RNF19A: variants seen among roughly 807,000 people sequenced by gnomAD.
The protein encoded by RNF19A is ring finger protein 19A, RBR E3 ubiquitin protein ligase.
Under a neutral mutation model 75.7 loss-of-function variants are expected in RNF19A, and 32 were observed. That is an observed-to-expected ratio of 0.42 (90% CI 0.32 to 0.57). The LOEUF (loss-of-function observed/expected upper bound fraction) is 0.57, where lower values mean the gene tolerates loss of function less well. Ranked by LOEUF, RNF19A falls within the 20% of genes least tolerant of loss-of-function variation. The pLI, the probability that RNF19A is intolerant of heterozygous loss-of-function variation, is 0.10. For missense variants in RNF19A, 782 were observed against 1,036.3 expected, an observed-to-expected ratio of 0.75 and a Z score of 3.37; for synonymous variants, 335 against 345.2, an observed-to-expected ratio of 0.97 and a Z score of 0.33.
At chr8:100,299,666 GA>G (rs1821731190) in intron 1 of RNF19A, among the ~76,000 whole-genome samples, 1 of 152,104 alleles carries the variant, frequency 6.6e-6, no homozygotes, top group Non-Finnish European at 1.5e-5. Flanking sequence ...AGCTGAGGCA[GA>G]AGAATTGCTT....
upstream of RNF19A, among the ~76,000 whole-genome samples, chr8:100,312,742 G>C (rs776563495): frequency 6.6e-6 from 1 of 151,926 alleles, no homozygotes; most frequent in Non-Finnish European, 1.5e-5. Context: ...GGGACAACAT[G>C]ATGAAACCTC....
Position 100,297,426 on chromosome 8 carries a change from C to T in RNF19A, c.-93-9159G>A, listed in dbSNP as rs73282743. ...ATTGTGGCAGAGATGCTGTTACATG[C>T]TCATCTGCTTCATTTTCCTTCTGAG... On this transcript the variant is annotated intron_variant, in intron 1 of 9. Coordinates refer to ENST00000341084, the MANE Select transcript of RNF19A (RefSeq NM_183419.4). 5.2e-3 allele frequency among the ~76,000 whole-genome samples: 785 copies of T among 152,300 alleles called. 10 individuals are homozygous for T. The highest frequency in any genetic ancestry group is 0.018 in the African/African-American group (768 of 41,576).
chr8:100,314,088 C>T (rs560865231), upstream of RNF19A, among the ~76,000 whole-genome samples: 3 of 151,808 alleles, frequency 2.0e-5, no homozygotes, highest in Non-Finnish European at 2.9e-5. This position sits in a 1 kb window ranked among gnomAD's most constrained non-coding sequence, Gnocchi z 4.1. Context: ...TGCCATGTCG[C>T]TCAGGTGGGT....
chr8:100,301,887 G>T (rs1428707759), intron 1 of RNF19A, among the ~76,000 whole-genome samples: 2 of 152,162 alleles, frequency 1.3e-5, no homozygotes, highest in African/African-American at 4.8e-5. Flanking sequence ...GTGGCATTTA[G>T]CAGAGACCTG....
chr8:100,309,925 G>A lies in RNF19A; in HGVS notation c.-152C>T. ...GGCGGGCGAGTAGGCCCATCTCCCA[G>A]CAGCGGCGACAGCAGCCTGAGGAAG... is the stretch of plus-strand genomic sequence containing the variant. On this transcript the variant is annotated 5_prime_UTR_variant, in exon 1 of 10. Coordinates refer to ENST00000341084, the MANE Select transcript of RNF19A (RefSeq NM_183419.4). 2.0e-6 allele frequency: 2 copies of A among 985,970 alleles called. No homozygotes were observed. The highest frequency in any genetic ancestry group is 2.4e-6 in the Non-Finnish European group (2 of 830,374). 61.1% of individuals were successfully genotyped at this position (985,970 alleles called of 1,614,324 possible).
intron 1 of RNF19A, among the ~76,000 whole-genome samples, chr8:100,307,971 G>C (rs1191503983): frequency 6.6e-6 from 1 of 152,110 alleles, no homozygotes; most frequent in Non-Finnish European, 1.5e-5. Flanking sequence ...AACACTGTCT[G>C]GTTGACAGTA....
At chr8:100,279,300 T>C (rs546137834) in intron 2 of RNF19A, among the ~76,000 whole-genome samples, 2 of 152,336 alleles carry the variant, frequency 1.3e-5, no homozygotes, top group South Asian at 2.1e-4. Flanking sequence ...AACTAATAGC[T>C]GGTAGTGTAG....
At chr8:100,268,675 C>T (rs1004026101) in intron 5 of RNF19A, 110 bp downstream of exon 5, 5 of 582,202 alleles carry the variant, frequency 8.6e-6, no homozygotes, top group African/African-American at 2.5e-5. Context: ...CTAAAGATAC[C>T]CTTTGTCTAA....
Position 100,275,882 on chromosome 8 carries a change from G to T in RNF19A, c.675-721C>A, listed in dbSNP as rs1295172247. The stretch of plus-strand genomic sequence containing the variant: ...AATTTATAAATTTTGTGATAATTTT[G>T]TATGTATGCAGAAGTCACACATTTT... On this transcript the variant is annotated intron_variant, in intron 2 of 9. Transcript: ENST00000341084. The surrounding 1 kb of genome is among the most constrained non-coding windows in gnomAD (Gnocchi z 4.3). Among the ~76,000 whole-genome samples the T allele has an allele frequency of 6.6e-6, 1 of 152,158 alleles. No individual in the cohort carries two copies. The highest frequency in any genetic ancestry group is 3.4e-3 in the Middle Eastern group (1 of 294).
rs559185393 is a variant in RNF19A at position 100,323,641 on chromosome 8, A to G, written c.-242-10269T>C. 6.6e-6 allele frequency among the ~76,000 whole-genome samples: 1 copy of G among 152,360 alleles called. No individual in the cohort carries two copies. The highest frequency in any genetic ancestry group is 6.5e-5 in the Admixed American group (1 of 15,298). On this transcript the variant is annotated intron_variant, in intron 1 of 3. Coordinates refer to the RNF19A transcript ENST00000519527. This position sits in a 1 kb window ranked among gnomAD's most constrained non-coding sequence, Gnocchi z 4.6. ...CCCATTAGAAATGTGTTAGAGGAAG[A>G]CATATTTAAATAGTAATTTCCTAGC...
intron 5 of RNF19A, among the ~76,000 whole-genome samples, chr8:100,265,728 T>C (rs1021507897): frequency 1.3e-5 from 2 of 152,128 alleles, no homozygotes; most frequent in Non-Finnish European, 2.9e-5. Flanking sequence ...GTACGATGAG[T>C]GTTGTGGAAA....
intron 2 of RNF19A, among the ~76,000 whole-genome samples, chr8:100,280,555 CTG>C (rs1820735352): frequency 6.6e-6 from 1 of 152,180 alleles, no homozygotes; most frequent in South Asian, 2.1e-4. Context: ...TCAAGTCTTA[CTG>C]AATTTATACA....
intron 1 of RNF19A, among the ~76,000 whole-genome samples, chr8:100,297,026 A>G (rs1465891231): frequency 4.6e-5 from 7 of 152,240 alleles, no homozygotes; most frequent in Admixed American, 4.6e-4. Flanking sequence ...GTATATTCAA[A>G]AGACAGGTGA....
intron 3 of RNF19A, among the ~76,000 whole-genome samples, chr8:100,270,549 A>G (rs1251918020): frequency 6.6e-6 from 1 of 152,156 alleles, no homozygotes; most frequent in African/African-American, 2.4e-5. Context: ...CTATAAAAAT[A>G]GCAAAACAGG....
Position 100,257,827 on chromosome 8 carries a change from G to A in RNF19A, c.*729C>T. The A allele has an allele frequency of 2.6e-6, 1 of 391,390 alleles. No homozygotes were observed. Among genetic ancestry groups the A allele is most frequent in the Non-Finnish European group, 4.5e-6 (1 of 221,790 alleles). The allele number at this position is 391,390 out of a possible 1,614,324, so 24.2% of individuals were successfully genotyped here. A position where few individuals can be genotyped will look rare whatever the true frequency, so the allele number is the denominator to read the frequency against. ...TTTTTGTAATACTTATAACCTAATG[G>A]GACTTTATTTTGTAGTTTTATGTAT... On this transcript the variant is annotated 3_prime_UTR_variant, in exon 10 of 10. Coordinates refer to ENST00000341084, the MANE Select transcript of RNF19A (RefSeq NM_183419.4).
chr8:100,293,789 T>A (rs1041979632), intron 1 of RNF19A, among the ~76,000 whole-genome samples: 1 of 152,228 alleles, frequency 6.6e-6, no homozygotes, highest in African/African-American at 2.4e-5. Flanking sequence ...TTCTTTTTTG[T>A]AATCTTTTTT....
chr8:100,282,335 C>T (rs1163653165), intron 2 of RNF19A, among the ~76,000 whole-genome samples: 2 of 152,048 alleles, frequency 1.3e-5, no homozygotes, highest in Non-Finnish European at 1.5e-5. Context: ...AATTCAAAAT[C>T]TGAAATGCTT....
In RNF19A at chr8:100,261,583, C is replaced by T. The variant is rs759075285; in HGVS notation, c.1641G>A (p.Thr547=). 4.3e-6 allele frequency: 7 copies of T among 1,613,942 alleles called. No homozygotes were observed. The highest frequency in any genetic ancestry group is 2.7e-5 in the African/African-American group (2 of 74,890). Residue 547 remains threonine, a synonymous_variant, in exon 8 of 10, where the codon ACG becomes ACA. Coordinates refer to ENST00000341084, the MANE Select transcript of RNF19A (RefSeq NM_183419.4). The surrounding 1 kb of genome is among the most constrained non-coding windows in gnomAD (Gnocchi z 4.4). ...STMALAGASI[T]GSLSGSAMVN... ...CCATGGCACTTCCTGACAGACTCCC[C>T]GTTATACTGGCTCCAGCTAGTGCCA...
intron 1 of RNF19A, among the ~76,000 whole-genome samples, chr8:100,305,327 T>C (rs1188548187): frequency 6.6e-6 from 1 of 152,162 alleles, no homozygotes; most frequent in Non-Finnish European, 1.5e-5. Context: ...TTCGAAGGTG[T>C]ATGCAATTCT....
Sources: gnomAD v4.1 joint callset for allele counts (sites outside exome capture counted in the v4.1 genomes callset) on GRCh38, gnomAD v4.1.1 for gene constraint, Gnocchi (gnomAD v3.1) non-coding constraint, MANE v1.5 for transcripts, NCBI Gene and HGNC (gene_info 2026-07-23, HGNC 2026-07-21) for gene names.